The following SLC8A2 variants were observed in gnomAD, a reference collection of about 807,000 sequenced individuals.
SLC8A2 encodes sodium/calcium exchanger 2.
SLC8A2 carries 14 observed loss-of-function variants against 70.2 expected under a neutral mutation model. The ratio of observed to expected loss-of-function variants is 0.20; its 90% CI spans 0.13 to 0.31. The LOEUF (loss-of-function observed/expected upper bound fraction) is 0.31, where lower values mean the gene tolerates loss of function less well. Ranked by LOEUF, SLC8A2 falls within the 10% of genes least tolerant of loss-of-function variation. The pLI is 1.00. For synonymous variants in SLC8A2, 575 were observed against 594.3 expected (o/e 0.97, Z 0.47); for missense variants, 779 against 1,320.1 (o/e 0.59, Z 6.35).
intron 7 of SLC8A2, 122 bp downstream of exon 7, chr19:47,437,727 G>T: frequency 7.8e-7 from 1 of 1,280,364 alleles, no homozygotes; most frequent in Non-Finnish European, 1.1e-6. Flanking sequence ...GCTGTCCGTG[G>T]TCCTGACGTG....
In SLC8A2 at chr19:47,469,093, GAGCA is replaced by G. The variant is rs1440342297; in HGVS notation, c.-16-2678_-16-2675del. Among the ~76,000 whole-genome samples, 12 of 151,842 alleles carry G rather than the reference GAGCA, an allele frequency of 7.9e-5. 1 individual carries two copies. Among genetic ancestry groups the G allele is most frequent in the African/African-American group, 2.7e-4 (11 of 41,374 alleles). On this transcript the variant is annotated intron_variant, in intron 1 of 9. Transcript: ENST00000236877. ...TTGGCAGAACTTCCCAAGAAGGAGA[GAGCA>G]AGCGAGGAGCATGCCTGTGTGCGTG... is the stretch of plus-strand genomic sequence containing the variant.
intron 9 of SLC8A2, among the ~76,000 whole-genome samples, chr19:47,431,675 A>C (rs1966963470): frequency 7.3e-6 from 1 of 137,394 alleles, no homozygotes; most frequent in African/African-American, 2.6e-5. Context: ...AAAAAAAAAA[A>C]AAAAACAAAA....
At chr19:47,457,639 T>C (rs769410607) in intron 2 of SLC8A2, 45 bp from the exon 3 acceptor site, 1 of 1,276,138 alleles carries the variant, frequency 7.8e-7, no homozygotes. Context: ...GGCCGCCTTC[T>C]CCCTCCCCGC....
At position 47,465,928 on chromosome 19, in the gene SLC8A2, T is replaced by A. The variant is rs1269414866; in HGVS notation, c.476A>T (p.Glu159Val). The A allele has an allele frequency of 6.2e-7, 1 of 1,614,110 alleles. No individual in the cohort carries two copies. Among genetic ancestry groups the A allele is most frequent in the African/African-American group, 1.3e-5 (1 of 75,040 alleles). The part of the protein sequence containing the change: ...EVCGHNFQAG[E>V]LGPGTIVGSA... ...GCCCACGATGGTGCCTGGGCCCAGCTCACCCGCCTGGAAGTTGTGGCCGCA... is the reference window on the plus strand; with the variant it reads ...GCCCACGATGGTGCCTGGGCCCAGCACACCCGCCTGGAAGTTGTGGCCGCA... Residue 159 changes from glutamate (E) to valine (V), a missense_variant, in exon 2 of 10, where the codon GAG becomes GTG. Glu to Val is a moderately radical substitution (Grantham distance 121). This residue lies in a region of SLC8A2 where 155 missense variants were observed against 318.6 expected (regional missense o/e 0.49). Coordinates refer to ENST00000236877, the MANE Select transcript of SLC8A2 (RefSeq NM_015063.3). The surrounding 1 kb of genome is among the most constrained non-coding windows in gnomAD (Gnocchi z 5.5).
At chr19:47,454,801 A>G (rs1015029938) in intron 3 of SLC8A2, among the ~76,000 whole-genome samples, 3 of 152,136 alleles carry the variant, frequency 2.0e-5, no homozygotes, top group African/African-American at 7.2e-5. Context: ...TGAAACAGAG[A>G]ACTGCCAGGT....
At chr19:47,460,496 G>A (rs565761391) in intron 2 of SLC8A2, among the ~76,000 whole-genome samples, 70 of 151,614 alleles carry the variant, frequency 4.6e-4, no homozygotes, top group Admixed American at 3.7e-3. Flanking sequence ...CCAGGAGTTC[G>A]AGACCAGCCT....
In SLC8A2 at chr19:47,468,084, C is replaced by G. The variant is rs1260256200; in HGVS notation, c.-16-1665G>C. 1.3e-5 allele frequency among the ~76,000 whole-genome samples: 2 copies of G among 151,778 alleles called. No homozygotes were observed. Among genetic ancestry groups the G allele is most frequent in the Non-Finnish European group, 2.9e-5 (2 of 67,974 alleles). ...CTACTGTTCAGAACCCCCGCCAGCT[C>G]CCATCTCACTCACAGCACCAGCGTC... On this transcript the variant is annotated intron_variant, in intron 1 of 9. Transcript: ENST00000236877. The surrounding 1 kb of genome is among the most constrained non-coding windows in gnomAD (Gnocchi z 5.1).
At chr19:47,451,742 G>A (rs1967237629) in intron 3 of SLC8A2, among the ~76,000 whole-genome samples, 1 of 152,234 alleles carries the variant, frequency 6.6e-6, no homozygotes, top group African/African-American at 2.4e-5. Context: ...GGGGGATAGA[G>A]CATCGCTTGC....
chr19:47,447,686 G>T lies in SLC8A2; in HGVS notation c.1763+123C>A. On this transcript the variant is annotated intron_variant, in intron 4 of 9. Transcript: ENST00000236877. The surrounding 1 kb of genome is among the most constrained non-coding windows in gnomAD (Gnocchi z 5.1). ...CGGCCACGCAGGCCCCTCCCCTCCC[G>T]AGGCCCAACCAAGACCCGCCCACTA... 9.3e-7 allele frequency: 1 copy of T among 1,069,628 alleles called. No homozygotes were observed. Among genetic ancestry groups the T allele is most frequent in the Non-Finnish European group, 1.3e-6 (1 of 787,184 alleles). The allele number at this position is 1,069,628 out of a possible 1,614,324, so 66.3% of individuals were successfully genotyped here.
At chr19:47,437,764 A>G in intron 7 of SLC8A2, 85 bp downstream of exon 7, 1 of 1,531,400 alleles carries the variant, frequency 6.5e-7, no homozygotes, top group Non-Finnish European at 9.0e-7. Flanking sequence ...TGATCTTAGG[A>G]ACCTTGTGGC....
chr19:47,441,033 C>T (rs1967093417), intron 6 of SLC8A2, 136 bp downstream of exon 6: 2 of 746,578 alleles, frequency 2.7e-6, no homozygotes, highest in Non-Finnish European at 4.6e-6. Flanking sequence ...TGTCCCCCAG[C>T]CCTGAATCTG....
intron 3 of SLC8A2, among the ~76,000 whole-genome samples, chr19:47,449,088 G>A (rs1159515210): frequency 1.3e-5 from 2 of 152,192 alleles, no homozygotes; most frequent in Non-Finnish European, 1.5e-5. Flanking sequence ...TTGGGGGAAC[G>A]GCACCAATAA....
rs1170034305 is a variant in SLC8A2 at position 47,466,068 on chromosome 19, G to A, written c.336C>T (p.Ala112=). 3.1e-6 allele frequency: 5 copies of A among 1,614,092 alleles called. No homozygotes were observed. The highest frequency in any genetic ancestry group is 4.2e-6 in the Non-Finnish European group (5 of 1,180,044). The part of the protein sequence containing the change: ...SKEKEITITK[A]NGETSVGTVR... ...CGGTGCCCACGCTGGTCTCACCGTT[G>A]GCCTTGGTGATGGTGATCTCCTTCT... is the stretch of plus-strand genomic sequence containing the variant. Residue 112 remains alanine, a synonymous_variant, in exon 2 of 10, where the codon GCC becomes GCT. Transcript: ENST00000236877. This position sits in a 1 kb window ranked among gnomAD's most constrained non-coding sequence, Gnocchi z 6.9.
At position 47,456,996 on chromosome 19, in the gene SLC8A2, C is replaced by T. The variant is rs1241489550; in HGVS notation, c.1274G>A (p.Ser425Asn). Residue 425 changes from serine (S) to asparagine (N), a missense_variant, in exon 3 of 10, where the codon AGC becomes AAC. Ser to Asn is a conservative substitution (Grantham distance 46). Transcript: ENST00000236877. ...SVTCQGGEGN[S>N]TFYVDYRTED... ...AGTGCGGTAGTCCACGTAGAAGGTG[C>T]TGTTGCCCTCGCCGCCCTGGCACGT... The T allele has an allele frequency of 6.2e-7, 1 of 1,612,836 alleles. No individual in the cohort carries two copies.
chr19:47,444,083 C>T (rs35010576), intron 4 of SLC8A2, among the ~76,000 whole-genome samples: 1,553 of 152,128 alleles, frequency 0.01, 9 homozygotes, highest in Admixed American at 0.02. Context: ...TTTATAGAGA[C>T]AGGATCTCAC....
rs560605793 is a variant in SLC8A2 at position 47,465,287 on chromosome 19, T to C, written c.675+442A>G. Among the ~76,000 whole-genome samples, 1 of 152,330 alleles carries C rather than the reference T, an allele frequency of 6.6e-6. No homozygotes were observed. The highest frequency in any genetic ancestry group is 1.9e-4 in the East Asian group (1 of 5,186). On this transcript the variant is annotated intron_variant, in intron 2 of 9. Coordinates refer to ENST00000236877, the MANE Select transcript of SLC8A2 (RefSeq NM_015063.3). The surrounding 1 kb of genome is among the most constrained non-coding windows in gnomAD (Gnocchi z 5.5). Reference sequence around the variant, plus strand: ...AATTATGCGAATGGAGGATGTCTTATTGCAAAAGCGGGAATCAGTTATGCA... The same window carrying C: ...AATTATGCGAATGGAGGATGTCTTACTGCAAAAGCGGGAATCAGTTATGCA...
Position 47,429,787 on chromosome 19 carries a change from C to G in SLC8A2, c.*302G>C. The G allele has an allele frequency of 2.1e-6, 1 of 479,424 alleles. No individual in the cohort carries two copies. The highest frequency in any genetic ancestry group is 3.7e-6 in the Non-Finnish European group (1 of 269,222). 29.7% of individuals were successfully genotyped at this position (479,424 alleles called of 1,614,324 possible). ...CCCAGGATGGTTACTGGGGGTGGTT[C>G]CCTGGGGAGGGGACTGGGGTGGAAA... On this transcript the variant is annotated 3_prime_UTR_variant, in exon 10 of 10. Coordinates refer to ENST00000236877, the MANE Select transcript of SLC8A2 (RefSeq NM_015063.3).
In SLC8A2 at chr19:47,430,316, G is replaced by C. The variant is rs763478885; in HGVS notation, c.2539C>G (p.Pro847Ala). The C allele has an allele frequency of 6.2e-7, 1 of 1,612,304 alleles. No individual in the cohort carries two copies. Among genetic ancestry groups the C allele is most frequent in the Non-Finnish European group, 8.5e-7 (1 of 1,179,400 alleles). Residue 847 changes from proline to alanine, a missense_variant, in exon 10 of 10, where the codon CCC becomes GCC. Pro to Ala is a conservative substitution (Grantham distance 27). Around this residue, in one of 6 missense-constraint regions of SLC8A2, gnomAD observed 108 missense variants for 269.6 expected, o/e 0.40. Transcript: ENST00000236877. The surrounding 1 kb of genome is among the most constrained non-coding windows in gnomAD (Gnocchi z 5.9). ...AGCGTGCCAGTGCGCACCTCGAAGGGGCGGCCCTGCACCGCCCAGTACACG... is the reference window on the plus strand; with the variant it reads ...AGCGTGCCAGTGCGCACCTCGAAGGCGCGGCCCTGCACCGCCCAGTACACG... ...AAVYWAVQGR[P>A]FEVRTGTLAF... is the part of the protein sequence containing the mutation.
chr19:47,443,687 C>G (rs2122625310), intron 4 of SLC8A2, among the ~76,000 whole-genome samples: 1 of 152,346 alleles, frequency 6.6e-6, no homozygotes, highest in East Asian at 1.9e-4. Flanking sequence ...TTATATCTAA[C>G]TCCTGACGCC....
Sources: gnomAD v4.1 joint callset for allele counts (sites outside exome capture counted in the v4.1 genomes callset) on GRCh38, gnomAD v4.1.1 for gene constraint, gnomAD v4.1.1 regional missense constraint, Gnocchi (gnomAD v3.1) non-coding constraint, MANE v1.5 for transcripts, NCBI Gene and HGNC (gene_info 2026-07-23, HGNC 2026-07-21) for gene names.